CORO2A: variants seen among roughly 807,000 people sequenced by gnomAD.
CORO2A encodes the protein coronin-2A.
CORO2A carries 47 observed loss-of-function variants against 62.4 expected under a neutral mutation model. The ratio of observed to expected loss-of-function variants is 0.75; its 90% CI spans 0.60 to 0.96. The LOEUF (loss-of-function observed/expected upper bound fraction) is 0.96, where lower values mean the gene tolerates loss of function less well. Ranked by LOEUF, CORO2A falls within the 40% of genes least tolerant of loss-of-function variation. The pLI is 0.00. For synonymous variants in CORO2A, 273 were observed against 268.9 expected (o/e 1.02, Z -0.15); for missense variants, 610 against 684.1 (o/e 0.89, Z 1.21).
chr9:98,135,575 C>A (rs919489477), intron 3 of CORO2A, among the ~76,000 whole-genome samples: 1 of 152,052 alleles, frequency 6.6e-6, no homozygotes, highest in Admixed American at 6.5e-5. Context: ...GTAGTGTTGT[C>A]TGAAGATGGA....
intron 1 of CORO2A, among the ~76,000 whole-genome samples, chr9:98,163,251 G>A (rs1409131602): frequency 1.3e-5 from 2 of 152,170 alleles, no homozygotes; most frequent in East Asian, 3.9e-4. Context: ...GTGCAGTGGT[G>A]CTATCTCAGC....
intron 6 of CORO2A, 99 bp from the exon 7 acceptor site, chr9:98,131,158 G>A (rs1416834987): frequency 4.1e-6 from 3 of 737,616 alleles, no homozygotes; most frequent in Non-Finnish European, 7.0e-6. Flanking sequence ...CTCTGGGCGA[G>A]AGTGTGTGTG....
At chr9:98,157,129 G>T (rs1202624526) in intron 2 of CORO2A, among the ~76,000 whole-genome samples, 3 of 152,158 alleles carry the variant, frequency 2.0e-5, no homozygotes, top group Non-Finnish European at 4.4e-5. Context: ...GGTGGGGAAG[G>T]TGGCTTTGGA....
intron 1 of CORO2A, among the ~76,000 whole-genome samples, chr9:98,192,273 T>C (rs961968787): frequency 6.6e-6 from 1 of 152,134 alleles, no homozygotes; most frequent in East Asian, 1.9e-4. Context: ...ACAGTGCTCA[T>C]GAGGGCAGCG....
At chr9:98,129,199 C>T (rs1827370542) in intron 8 of CORO2A, among the ~76,000 whole-genome samples, 1 of 152,186 alleles carries the variant, frequency 6.6e-6, no homozygotes, top group Non-Finnish European at 1.5e-5. Flanking sequence ...GCTGGATTAG[C>T]TGAACTTTTA....
intron 10 of CORO2A, 71 bp downstream of exon 10, chr9:98,128,099 A>G (rs1221833015): frequency 3.9e-5 from 50 of 1,284,420 alleles, no homozygotes; most frequent in Non-Finnish European, 4.8e-5. Context: ...AACCCCTCTC[A>G]ATTGCTTGGG....
intron 11 of CORO2A, among the ~76,000 whole-genome samples, chr9:98,125,461 A>G (rs995197312): frequency 2.0e-5 from 3 of 152,170 alleles, no homozygotes; most frequent in Non-Finnish European, 2.9e-5. Flanking sequence ...TACTCAGCAG[A>G]GCCAGGATCA....
intron 3 of CORO2A, among the ~76,000 whole-genome samples, chr9:98,135,677 C>T (rs1827476236): frequency 6.6e-6 from 1 of 152,162 alleles, no homozygotes; most frequent in African/African-American, 2.4e-5. Context: ...CTTGATCTTC[C>T]TTATTGGTCC....
intron 1 of CORO2A, among the ~76,000 whole-genome samples, chr9:98,171,478 C>T (rs369914362): frequency 7.9e-5 from 12 of 152,316 alleles, no homozygotes; most frequent in East Asian, 5.8e-4. Context: ...ACCCAGACAG[C>T]GTCACTTATG....
chr9:98,181,668 G>A (rs922166496), intron 1 of CORO2A, among the ~76,000 whole-genome samples: 12 of 152,024 alleles, frequency 7.9e-5, no homozygotes, highest in Admixed American at 5.2e-4. Context: ...TCCTCCAGCC[G>A]GAGGGCTTTG....
chr9:98,187,018 G>A (rs1828247236), intron 1 of CORO2A, among the ~76,000 whole-genome samples: 2 of 152,218 alleles, frequency 1.3e-5, no homozygotes, highest in East Asian at 1.9e-4. Flanking sequence ...GGTGGCTCAC[G>A]CCTGTAATCC....
intron 2 of CORO2A, among the ~76,000 whole-genome samples, 160 bp from the exon 3 acceptor site, chr9:98,137,848 G>A (rs532753708): frequency 6.6e-6 from 1 of 152,182 alleles, no homozygotes; most frequent in Admixed American, 6.5e-5. Flanking sequence ...GATCCTGGGG[G>A]AGTTACTTCA....
rs370955308 is a variant in CORO2A, at chr9:98,161,410, C to T, written c.1-3750G>A. Among the ~76,000 whole-genome samples the T allele has an allele frequency of 1.1e-3, 161 of 152,084 alleles. 1 individual carries two copies. The East Asian group carries it at 0.027, about 25-fold the overall frequency. The stretch of plus-strand genomic sequence containing the variant: ...CTCTACTGAAAATACAAAAATTAGC[C>T]GGGTGTGGTGGCGCGCGCCTGTAGT... On this transcript the variant is annotated intron_variant, in intron 1 of 11. Transcript: ENST00000375077.
chr9:98,166,453 G>A (rs1827962423), intron 1 of CORO2A, among the ~76,000 whole-genome samples: 1 of 152,180 alleles, frequency 6.6e-6, no homozygotes, highest in Admixed American at 6.5e-5. Flanking sequence ...GGAAATATTT[G>A]CAAATCCATA....
chr9:98,173,085 G>C (rs992227519), intron 1 of CORO2A, among the ~76,000 whole-genome samples: 3 of 152,148 alleles, frequency 2.0e-5, no homozygotes, highest in Non-Finnish European at 4.4e-5. Flanking sequence ...TGGGAGGATC[G>C]CTTAGGGCCA....
chr9:98,182,771 A>G (rs1439923320), intron 1 of CORO2A, among the ~76,000 whole-genome samples: 2 of 152,346 alleles, frequency 1.3e-5, no homozygotes, highest in Middle Eastern at 3.4e-3. Context: ...GAGTGAATGC[A>G]CACTAAGAGT....
At chr9:98,183,445 C>T (rs1308832550) in intron 1 of CORO2A, among the ~76,000 whole-genome samples, 1 of 152,208 alleles carries the variant, frequency 6.6e-6, no homozygotes, top group Non-Finnish European at 1.5e-5. Context: ...TACCAAAGTC[C>T]TTATGCTGTG....
In CORO2A at chr9:98,174,111, G is replaced by A. The variant is rs1379697869; in HGVS notation, c.1-16451C>T. Among the ~76,000 whole-genome samples the A allele has an allele frequency of 3.0e-5, 3 of 98,738 alleles. 1 individual carries two copies. The highest frequency in any genetic ancestry group is 1.2e-4 in the African/African-American group (3 of 25,478). The allele number at this position is 98,738 out of a possible 152,430, so 64.8% of individuals were successfully genotyped here. ...AACGAGAGTGAAGCTCTGTTCCCCCGCCCACCCCCCACCGCCAAAACAAAA... is the reference window on the plus strand; with the variant it reads ...AACGAGAGTGAAGCTCTGTTCCCCCACCCACCCCCCACCGCCAAAACAAAA... On this transcript the variant is annotated intron_variant, in intron 1 of 11. Coordinates refer to ENST00000375077, the MANE Select transcript of CORO2A (RefSeq NM_052820.4).
chr9:98,170,115 C>G lies in CORO2A; in HGVS notation c.1-12455G>C, dbSNP rs572264518. Among the ~76,000 whole-genome samples the G allele has an allele frequency of 3.3e-5, 5 of 152,312 alleles. 1 individual carries two copies. In the East Asian group the frequency reaches 9.7e-4, roughly 29 times the overall value. Reference sequence around the variant, plus strand: ...AAATGAAATAATGTATGTAAAAGACCTTGCATGTGTCTGGCACAAAGTAGG... The same window carrying G: ...AAATGAAATAATGTATGTAAAAGACGTTGCATGTGTCTGGCACAAAGTAGG... On this transcript the variant is annotated intron_variant, in intron 1 of 11. Coordinates refer to ENST00000375077, the MANE Select transcript of CORO2A (RefSeq NM_052820.4).
Sources: gnomAD v4.1 joint callset for allele counts (sites outside exome capture counted in the v4.1 genomes callset) on GRCh38, gnomAD v4.1.1 for gene constraint, MANE v1.5 for transcripts, NCBI Gene and HGNC (gene_info 2026-07-23, HGNC 2026-07-21) for gene names.